Variants in TOX3 observed in about 807,000 individuals in gnomAD.
TOX3 encodes TOX high mobility group box family member 3.
In TOX3, 22 loss-of-function variants were observed where a neutral mutation model predicts 64.3. That is an observed-to-expected ratio of 0.34 (90% confidence interval 0.24 to 0.49). The LOEUF is 0.49. TOX3 is among the 20% of genes least tolerant of loss of function. The probability of loss-of-function intolerance (pLI) is 0.99; values close to 1 mark genes in which losing one functional copy is unlikely to be tolerated. For synonymous variants in TOX3, 291 were observed against 273.6 expected (o/e 1.06, Z -0.63); for missense variants, 661 against 714.4 (o/e 0.93, Z 0.85).
chr16:52,462,072 G>C (rs1960707401), intron 3 of TOX3, among the ~76,000 whole-genome samples: 1 of 152,030 alleles, frequency 6.6e-6, no homozygotes, highest in Non-Finnish European at 1.5e-5. Flanking sequence ...AACAAGATTA[G>C]TTTGTTTCAA....
Position 52,439,960 on chromosome 16 carries a change from A to C in TOX3, c.996T>G (p.Ala332=). The change falls in exon 7 of 7, where the codon GCT becomes GCG. Residue 332 remains alanine, a synonymous_variant. Transcript: ENST00000219746. ...GGATGGTCTGGGCTTCTGCTGACTCAGCAGCAGCCTGCATTTTGGGGGAGA... is the reference window on the plus strand; with the variant it reads ...GGATGGTCTGGGCTTCTGCTGACTCCGCAGCAGCCTGCATTTTGGGGGAGA... ...YRASLVSKAA[A]ESAEAQTIRS... 1 of 1,543,026 alleles carries C rather than the reference A, an allele frequency of 6.5e-7. No homozygotes were observed. The highest frequency in any genetic ancestry group is 8.7e-7 in the Non-Finnish European group (1 of 1,145,650).
chr16:52,500,477 TG>T (rs897146919), intron 1 of TOX3, among the ~76,000 whole-genome samples: 1 of 152,110 alleles, frequency 6.6e-6, no homozygotes, highest in African/African-American at 2.4e-5. Context: ...TATTAAAAGG[TG>T]GCCATATTTC....
At chr16:52,483,574 T>G (rs1036009943) in intron 1 of TOX3, among the ~76,000 whole-genome samples, 3 of 145,864 alleles carry the variant, frequency 2.1e-5, no homozygotes, top group African/African-American at 7.7e-5. Flanking sequence ...GTTTTTTTTT[T>G]TTTTTTTTTT....
At chr16:52,500,004 C>A (rs1190869328) in intron 1 of TOX3, among the ~76,000 whole-genome samples, 6 of 152,152 alleles carry the variant, frequency 3.9e-5, no homozygotes, top group Non-Finnish European at 1.5e-5. Context: ...GCTTCTGATC[C>A]AATGTAACAA....
At chr16:52,498,076 CA>C (rs1226807986) in intron 1 of TOX3, among the ~76,000 whole-genome samples, 2 of 152,060 alleles carry the variant, frequency 1.3e-5, no homozygotes, top group Non-Finnish European at 2.9e-5. Context: ...GACCAAATCA[CA>C]AAAATAAAAA....
chr16:52,518,496 C>T (rs540993919), intron 1 of TOX3, among the ~76,000 whole-genome samples: 6 of 152,218 alleles, frequency 3.9e-5, no homozygotes, highest in African/African-American at 1.4e-4. Context: ...GAGATTAATG[C>T]GTTCAAAGCC....
Position 52,546,627 on chromosome 16 carries a change from G to A in TOX3, c.87+10C>T, listed in dbSNP as rs1260084166. The A allele has an allele frequency of 6.5e-7, 1 of 1,536,856 alleles. No homozygotes were observed. The highest frequency in any genetic ancestry group is 1.2e-5 in the South Asian group (1 of 83,672). ...CCCCGCCCCCCGGCCCACCGGCCCA[G>A]CCCGGTCACCTTGCTGTAGCCGTAG... is the stretch of plus-strand genomic sequence containing the variant. On this transcript the variant is annotated intron_variant, in intron 1 of 6. Transcript: ENST00000219746.
At chr16:52,525,747 C>T (rs924537062) in intron 1 of TOX3, among the ~76,000 whole-genome samples, 2 of 152,172 alleles carry the variant, frequency 1.3e-5, no homozygotes, top group Admixed American at 6.5e-5. Flanking sequence ...TTGTCCACTC[C>T]CTCTCTTCCT....
chr16:52,503,046 A>C (rs1221777315), intron 1 of TOX3, among the ~76,000 whole-genome samples: 1 of 152,184 alleles, frequency 6.6e-6, no homozygotes, highest in Admixed American at 6.5e-5. Context: ...TTCCAATAAC[A>C]TTTTATTAAT....
chr16:52,501,681 C>CAAAAAA (rs1213262658), intron 1 of TOX3, among the ~76,000 whole-genome samples: 8 of 140,704 alleles, frequency 5.7e-5, no homozygotes, highest in African/African-American at 2.2e-4. Context: ...AACAAACAAA[C>CAAAAAA]AAAAAAAAAA....
chr16:52,484,222 G>T (rs542128324), intron 1 of TOX3, among the ~76,000 whole-genome samples: 5 of 152,220 alleles, frequency 3.3e-5, no homozygotes, highest in African/African-American at 1.2e-4. Context: ...ATTCATCAAA[G>T]ATAAATATTC....
rs79110459 is a variant in TOX3 at position 52,453,990 on chromosome 16, G to A, written c.409-3444C>T. 7.9e-3 allele frequency among the ~76,000 whole-genome samples: 1,207 copies of A among 152,252 alleles called. 19 individuals are homozygous for A. Among genetic ancestry groups the A allele is most frequent in the African/African-American group, 0.027 (1,131 of 41,540 alleles). On this transcript the variant is annotated intron_variant, in intron 3 of 6. Coordinates refer to ENST00000219746, the MANE Select transcript of TOX3 (RefSeq NM_001080430.4). Reference sequence around the variant, plus strand: ...AATTTAATCCCCTAGATTGCTTTCTGCATTAGATACTAGTACTATACTTAT... The same window carrying A: ...AATTTAATCCCCTAGATTGCTTTCTACATTAGATACTAGTACTATACTTAT...
At chr16:52,522,420 A>G (rs1962631147) in intron 1 of TOX3, among the ~76,000 whole-genome samples, 2 of 152,036 alleles carry the variant, frequency 1.3e-5, no homozygotes, top group African/African-American at 4.8e-5. Context: ...AGACAACACT[A>G]CTCTAGGATT....
At chr16:52,445,764 A>T in intron 5 of TOX3, 1 of 468,278 alleles carries the variant, frequency 2.1e-6, no homozygotes, top group Non-Finnish European at 3.8e-6. Flanking sequence ...ATTTCTTCCA[A>T]CCTTCCTCTG....
chr16:52,483,760 G>A (rs947118998), intron 1 of TOX3, among the ~76,000 whole-genome samples: 1 of 148,732 alleles, frequency 6.7e-6, no homozygotes, highest in African/African-American at 2.5e-5. Flanking sequence ...TTAGAGACAG[G>A]GTTTCACCAT....
chr16:52,461,703 A>G (rs1000976418), intron 3 of TOX3, among the ~76,000 whole-genome samples: 2 of 152,154 alleles, frequency 1.3e-5, no homozygotes, highest in Non-Finnish European at 2.9e-5. Context: ...TAAGGTATGA[A>G]ATATCCAACA....
At chr16:52,501,680 A>C (rs887634464) in intron 1 of TOX3, among the ~76,000 whole-genome samples, 11 of 150,076 alleles carry the variant, frequency 7.3e-5, no homozygotes, top group South Asian at 2.1e-4. Context: ...AAACAAACAA[A>C]CAAAAAAAAA....
chr16:52,453,592 A>G (rs1472408710), intron 3 of TOX3, among the ~76,000 whole-genome samples: 1 of 152,216 alleles, frequency 6.6e-6, no homozygotes, highest in Non-Finnish European at 1.5e-5. Context: ...TTCTGACTGT[A>G]TAATACTAAA....
intron 1 of TOX3, among the ~76,000 whole-genome samples, chr16:52,486,193 C>A (rs974722587): frequency 2.0e-5 from 3 of 151,982 alleles, no homozygotes; most frequent in Non-Finnish European, 2.9e-5. Context: ...GAGAAGAGGC[C>A]TAGAGGAGAA....
Sources: gnomAD v4.1 joint callset for allele counts (sites outside exome capture counted in the v4.1 genomes callset) on GRCh38, gnomAD v4.1.1 for gene constraint, MANE v1.5 for transcripts, NCBI Gene and HGNC (gene_info 2026-07-23, HGNC 2026-07-21) for gene names.